The following METTL16 variants were observed in gnomAD, a reference collection of about 807,000 sequenced individuals.
METTL16 encodes the protein RNA N(6)-adenosine-methyltransferase METTL16.
In METTL16, 19 loss-of-function variants were observed where a neutral mutation model predicts 57.9. That is an observed-to-expected ratio of 0.33 (90% CI 0.23 to 0.48). The LOEUF (loss-of-function observed/expected upper bound fraction) is 0.48, where lower values mean the gene tolerates loss of function less well. Among genes scored for constraint, METTL16 ranks in the 20% least tolerant of loss-of-function variants. The probability of loss-of-function intolerance (pLI) is 0.99; values close to 1 mark genes in which losing one functional copy is unlikely to be tolerated. For synonymous variants in METTL16, 246 were observed against 255.6 expected, an observed-to-expected ratio of 0.96 and a Z score of 0.36; for missense variants, 434 against 691.5, an observed-to-expected ratio of 0.63 and a Z score of 4.18.
intron 1 of METTL16, among the ~76,000 whole-genome samples, chr17:2,510,895 C>T (rs1394360329): frequency 6.6e-6 from 1 of 152,130 alleles, no homozygotes; most frequent in Non-Finnish European, 1.5e-5. Flanking sequence ...CAATTTTCTA[C>T]ACAGAATTTA....
intron 2 of METTL16, among the ~76,000 whole-genome samples, chr17:2,487,093 G>A (rs896021250): frequency 1.3e-5 from 2 of 150,498 alleles, no homozygotes; most frequent in African/African-American, 4.9e-5. Flanking sequence ...GAGATATTTT[G>A]GAGAGAACAT....
In METTL16 at chr17:2,419,136, AC is replaced by A. The variant is rs1174664617; in HGVS notation, c.*833del. The A allele has an allele frequency of 6.4e-6, 1 of 156,334 alleles. No individual in the cohort carries two copies. Among genetic ancestry groups the A allele is most frequent in the Non-Finnish European group, 1.4e-5 (1 of 70,682 alleles). The allele number at this position is 156,334 out of a possible 1,614,324, so 9.7% of individuals were successfully genotyped here. ...CTATCATCAGCCGCTCACTCAGCTA[AC>A]CCCAGGATTCAAATAGGACCGCTGG... On this transcript the variant is annotated 3_prime_UTR_variant, in exon 10 of 10. Transcript: ENST00000263092.
At chr17:2,487,231 G>C (rs954783238) in intron 2 of METTL16, among the ~76,000 whole-genome samples, 9 of 152,148 alleles carry the variant, frequency 5.9e-5, no homozygotes, top group African/African-American at 2.2e-4. Context: ...AACTCTGGCA[G>C]AGAACCGTTT....
chr17:2,502,915 CA>C (rs2067500292), intron 1 of METTL16, among the ~76,000 whole-genome samples: 1 of 152,006 alleles, frequency 6.6e-6, no homozygotes, highest in African/African-American at 2.4e-5. Context: ...AACAAAAAAA[CA>C]AAAATAAAAA....
intron 2 of METTL16, 105 bp downstream of exon 2, chr17:2,502,099 G>A (rs935370117): frequency 1.7e-6 from 2 of 1,201,106 alleles, no homozygotes; most frequent in East Asian, 2.4e-5. Flanking sequence ...GGTCGCATGG[G>A]ACGTTTAATC....
At chr17:2,502,177 AAC>A in intron 2 of METTL16, 25 bp downstream of exon 2, 1 of 1,608,396 alleles carries the variant, frequency 6.2e-7, no homozygotes, top group South Asian at 1.1e-5. Context: ...ACACAAGAAT[AAC>A]AGTGATTTTT....
intron 6 of METTL16, among the ~76,000 whole-genome samples, chr17:2,449,548 AAGAT>A (rs768894885): frequency 5.5e-4 from 83 of 152,282 alleles, no homozygotes; most frequent in Non-Finnish European, 9.3e-4. Context: ...AAAAAAAACA[AAGAT>A]AGAGGATTTA....
chr17:2,426,555 C>G (rs936251715), intron 8 of METTL16, among the ~76,000 whole-genome samples: 1 of 151,082 alleles, frequency 6.6e-6, no homozygotes, highest in African/African-American at 2.4e-5. Flanking sequence ...ATGGTGAAAC[C>G]CCATCTCTAC....
intron 6 of METTL16, among the ~76,000 whole-genome samples, chr17:2,453,115 C>A (rs1313849740): frequency 3.9e-5 from 6 of 152,174 alleles, no homozygotes; most frequent in Admixed American, 6.5e-5. Context: ...CTGCCTTGGC[C>A]TCCCAAAGTG....
chr17:2,417,087 A>ATTTTTTTTTTTTT lies in METTL16; in HGVS notation c.*2882_*2883insAAAAAAAAAAAAA, dbSNP rs1567876454. On this transcript the variant is annotated 3_prime_UTR_variant, in exon 10 of 10. Transcript: ENST00000263092. ...TTTTTTTTTTTTTTTTTTTTTTTTG[A>ATTTTTTTTTTTTT]GACAGTCCCACTTTGTCGCCCAGGC... 2.6e-4 allele frequency: 3 copies of ATTTTTTTTTTTTT among 11,366 alleles called. No individual in the cohort carries two copies. Among genetic ancestry groups the ATTTTTTTTTTTTT allele is most frequent in the African/African-American group, 8.9e-4 (3 of 3,386 alleles). The allele number at this position is 11,366 out of a possible 1,614,324, so 0.7% of individuals were successfully genotyped here. A position where few individuals can be genotyped will look rare whatever the true frequency, so the allele number is the denominator to read the frequency against.
chr17:2,487,492 C>T (rs569001080), intron 2 of METTL16, among the ~76,000 whole-genome samples: 2 of 152,318 alleles, frequency 1.3e-5, no homozygotes, highest in East Asian at 3.9e-4. Flanking sequence ...GACAAAGGAA[C>T]ACCAGAGTGG....
At chr17:2,438,556 G>A (rs2066924669) in intron 7 of METTL16, among the ~76,000 whole-genome samples, 2 of 152,132 alleles carry the variant, frequency 1.3e-5, no homozygotes, top group Non-Finnish European at 2.9e-5. Context: ...AGGCTGGAGT[G>A]CAGTGTGCGG....
At chr17:2,487,202 C>A (rs1052020335) in intron 2 of METTL16, among the ~76,000 whole-genome samples, 12 of 152,060 alleles carry the variant, frequency 7.9e-5, no homozygotes, top group Admixed American at 7.9e-4. Context: ...TAGGCGGTGC[C>A]ACCCTAACTG....
intron 6 of METTL16, among the ~76,000 whole-genome samples, chr17:2,454,992 T>C (rs541970348): frequency 4.7e-5 from 7 of 150,464 alleles, no homozygotes; most frequent in South Asian, 2.1e-4. Context: ...GCAATCTTGG[T>C]TCACTGCAAC....
chr17:2,480,254 T>C (rs746488792), intron 2 of METTL16, among the ~76,000 whole-genome samples: 1 of 151,330 alleles, frequency 6.6e-6, no homozygotes, highest in African/African-American at 2.4e-5. Context: ...TGCAAAAAGA[T>C]GGATGATGGG....
chr17:2,424,917 C>T (rs188703677), intron 8 of METTL16, among the ~76,000 whole-genome samples: 16 of 151,568 alleles, frequency 1.1e-4, no homozygotes, highest in African/African-American at 3.6e-4. Context: ...CACTGCACTC[C>T]AGCCTCGGTG....
intron 5 of METTL16, among the ~76,000 whole-genome samples, chr17:2,465,605 G>A (rs1367536237): frequency 1.4e-5 from 2 of 147,504 alleles, no homozygotes; most frequent in Admixed American, 6.8e-5. Flanking sequence ...GCTCATGCCT[G>A]TAATCCTAGC....
intron 6 of METTL16, among the ~76,000 whole-genome samples, chr17:2,448,928 G>C (rs1421792606): frequency 6.7e-6 from 1 of 149,742 alleles, no homozygotes; most frequent in Non-Finnish European, 1.5e-5. Context: ...TTGGGAGGCT[G>C]AGGCATGAGA....
intron 1 of METTL16, among the ~76,000 whole-genome samples, chr17:2,504,680 C>T (rs1488912413): frequency 6.6e-6 from 1 of 152,144 alleles, no homozygotes; most frequent in Admixed American, 6.5e-5. Context: ...CTCAGCCTCC[C>T]GAGTAGCTGG....
Sources: gnomAD v4.1 joint callset for allele counts (sites outside exome capture counted in the v4.1 genomes callset) on GRCh38, gnomAD v4.1.1 for gene constraint, MANE v1.5 for transcripts, NCBI Gene and HGNC (gene_info 2026-07-23, HGNC 2026-07-21) for gene names.